The following SLC25A24 variants were observed in gnomAD, a reference collection of about 807,000 sequenced individuals.
The protein encoded by SLC25A24 is solute carrier family 25 member 24.
In SLC25A24, 49 loss-of-function variants were observed where a neutral mutation model predicts 60.7. That is an observed-to-expected ratio of 0.81 (90% CI 0.64 to 1.02). The LOEUF (loss-of-function observed/expected upper bound fraction) is 1.02. Ranked by LOEUF, SLC25A24 falls within the 50% of genes least tolerant of loss-of-function variation. SLC25A24 has a pLI of 0.00. For missense variants in SLC25A24, 564 were observed against 586.3 expected (o/e 0.96, Z 0.39); for synonymous variants, 202 against 200.6 (o/e 1.01, Z -0.06).
chr1:108,190,229 G>C (rs1440693677), intron 1 of SLC25A24, among the ~76,000 whole-genome samples: 2 of 152,096 alleles, frequency 1.3e-5, no homozygotes, highest in Admixed American at 1.3e-4. Flanking sequence ...TGCTGGCCTG[G>C]GGAAGCTGTA....
intron 3 of SLC25A24, among the ~76,000 whole-genome samples, chr1:108,176,511 C>T (rs1647678786): frequency 6.6e-6 from 1 of 152,070 alleles, no homozygotes; most frequent in African/African-American, 2.4e-5. Context: ...TAAATATCTA[C>T]ATGCAGGAAA....
chr1:108,168,180 T>G (rs564178077), intron 3 of SLC25A24, among the ~76,000 whole-genome samples: 1 of 152,374 alleles, frequency 6.6e-6, no homozygotes, highest in South Asian at 2.1e-4. Flanking sequence ...TGTTTTCTAG[T>G]GTCACTTTTT....
At chr1:108,171,412 A>T (rs1176918017) in intron 3 of SLC25A24, among the ~76,000 whole-genome samples, 1 of 152,154 alleles carries the variant, frequency 6.6e-6, no homozygotes, top group Non-Finnish European at 1.5e-5. Context: ...ATATTCATGG[A>T]TGTTTCCAAC....
At chr1:108,185,026 G>C (rs970428149) in intron 2 of SLC25A24, among the ~76,000 whole-genome samples, 2 of 152,142 alleles carry the variant, frequency 1.3e-5, no homozygotes, top group Non-Finnish European at 2.9e-5. Context: ...AAGGTCTTCA[G>C]AGTAGGGCCC....
chr1:108,173,975 G>A (rs555473601), intron 3 of SLC25A24, among the ~76,000 whole-genome samples: 1 of 152,118 alleles, frequency 6.6e-6, no homozygotes, highest in Non-Finnish European at 1.5e-5. Flanking sequence ...TTTCTAAGTG[G>A]CAAAGCATTC....
At chr1:108,153,429 TG>T (rs1558011585) in intron 6 of SLC25A24, among the ~76,000 whole-genome samples, 1 of 152,196 alleles carries the variant, frequency 6.6e-6, no homozygotes, top group African/African-American at 2.4e-5. Context: ...TACAATCCAC[TG>T]GGAAAACAAT....
At chr1:108,186,098 C>A in intron 1 of SLC25A24, 144 bp from the exon 2 acceptor site, 2 of 530,372 alleles carry the variant, frequency 3.8e-6, no homozygotes, top group Non-Finnish European at 6.4e-6. Flanking sequence ...TTCATTATCG[C>A]AAAGATCTAT....
chr1:108,159,717 AC>A (rs1680004346), intron 4 of SLC25A24, among the ~76,000 whole-genome samples: 2 of 151,894 alleles, frequency 1.3e-5, no homozygotes, highest in African/African-American at 4.8e-5. Context: ...CACATCTTGC[AC>A]CGCCCTTAAT....
intron 4 of SLC25A24, 144 bp from the exon 5 acceptor site, chr1:108,157,764 A>G: frequency 1.2e-6 from 1 of 836,680 alleles, no homozygotes; most frequent in South Asian, 1.8e-5. Flanking sequence ...TTGAGTACAT[A>G]GATTATAAGT....
At position 108,191,603 on chromosome 1, in the gene SLC25A24, G is replaced by T. The variant is rs1176629380; in HGVS notation, c.184-5649C>A. Among the ~76,000 whole-genome samples the T allele has an allele frequency of 2.9e-5, 4 of 139,834 alleles. 2 individuals carry two copies. In the Admixed American group the frequency reaches 3.2e-4, roughly 11 times the overall value. The allele number at this position is 139,834 out of a possible 152,430, so 91.7% of individuals were successfully genotyped here. ...GTATGGGGCTTGGAATATAGAATGT[G>T]CTCAAACTAGAACTGACCCATGACT... On this transcript the variant is annotated intron_variant, in intron 1 of 9. Transcript: ENST00000565488.
intron 2 of SLC25A24, among the ~76,000 whole-genome samples, chr1:108,185,609 C>G (rs1648096565): frequency 6.6e-6 from 1 of 152,042 alleles, no homozygotes; most frequent in Admixed American, 6.5e-5. Flanking sequence ...AAATGTAATT[C>G]ATTACATTTC....
intron 4 of SLC25A24, among the ~76,000 whole-genome samples, chr1:108,158,537 T>C (rs1470963586): frequency 1.3e-5 from 2 of 152,164 alleles, no homozygotes; most frequent in East Asian, 3.9e-4. Context: ...GAACTACTAG[T>C]ATAATATTAT....
chr1:108,198,115 C>T (rs1029682701), intron 1 of SLC25A24, among the ~76,000 whole-genome samples: 1 of 152,160 alleles, frequency 6.6e-6, no homozygotes, highest in African/African-American at 2.4e-5. Context: ...CCCAGGAGTC[C>T]AGCAGATGCC....
chr1:108,177,439 G>A (rs1647717372), intron 3 of SLC25A24, among the ~76,000 whole-genome samples: 1 of 151,982 alleles, frequency 6.6e-6, no homozygotes, highest in Non-Finnish European at 1.5e-5. Context: ...AACATGAATG[G>A]ATTAAATTAT....
At chr1:108,149,205 G>A (rs550795702) in intron 6 of SLC25A24, among the ~76,000 whole-genome samples, 54 of 152,316 alleles carry the variant, frequency 3.5e-4, no homozygotes, top group Non-Finnish European at 6.9e-4. Context: ...GTAATACATA[G>A]AATTATACTA....
Position 108,172,024 on chromosome 1 carries a change from T to G in SLC25A24, c.398+9917A>C, listed in dbSNP as rs544792024. On this transcript the variant is annotated intron_variant, in intron 3 of 9. Coordinates refer to ENST00000565488, the MANE Select transcript of SLC25A24 (RefSeq NM_013386.5). The stretch of plus-strand genomic sequence containing the variant: ...ACAAATTGCATAGTCAAAGAATAAC[T>G]GGAGTGAAGGGTTCCAAGCTTCTGA... Among the ~76,000 whole-genome samples, 42 of 152,180 alleles carry G rather than the reference T, an allele frequency of 2.8e-4. No individual in the cohort carries two copies. The South Asian group carries it at 8.1e-3, about 29-fold the overall frequency.
intron 3 of SLC25A24, among the ~76,000 whole-genome samples, 182 bp downstream of exon 3, chr1:108,181,759 C>T (rs1290127253): frequency 6.6e-6 from 1 of 152,170 alleles, no homozygotes; most frequent in African/African-American, 2.4e-5. Flanking sequence ...GCTTACACTT[C>T]CCATTCTTAC....
chr1:108,167,107 G>T (rs958586936), intron 3 of SLC25A24, among the ~76,000 whole-genome samples: 1 of 151,930 alleles, frequency 6.6e-6, no homozygotes, highest in South Asian at 2.1e-4. Context: ...CTGCTCGGGC[G>T]TCAGGGGTCA....
At chr1:108,182,155 T>A in intron 2 of SLC25A24, 127 bp from the exon 3 acceptor site, 1 of 619,416 alleles carries the variant, frequency 1.6e-6, no homozygotes, top group Non-Finnish European at 2.9e-6. Flanking sequence ...TGCATGTAGG[T>A]GAGTTATAGA....
Sources: gnomAD v4.1 joint callset for allele counts (sites outside exome capture counted in the v4.1 genomes callset) on GRCh38, gnomAD v4.1.1 for gene constraint, MANE v1.5 for transcripts, NCBI Gene and HGNC (gene_info 2026-07-23, HGNC 2026-07-21) for gene names.